The following GRIN2A variants were observed in gnomAD, a reference collection of about 807,000 sequenced individuals.
GRIN2A encodes the protein glutamate ionotropic receptor NMDA type subunit 2A.
Under a neutral mutation model 113.4 loss-of-function variants are expected in GRIN2A, and 22 were observed. That is an observed-to-expected ratio of 0.19 (90% confidence interval 0.14 to 0.28). The LOEUF (loss-of-function observed/expected upper bound fraction) is 0.28. GRIN2A is among the 10% of genes least tolerant of loss of function. The pLI, the probability that GRIN2A is intolerant of heterozygous loss-of-function variation, is 1.00. For synonymous variants in GRIN2A, 827 were observed against 738.4 expected (o/e 1.12, Z -1.94); for missense variants, 1,502 against 1,887.0 (o/e 0.80, Z 3.78).
chr16:10,102,473 G>T (rs763426721), intron 2 of GRIN2A, among the ~76,000 whole-genome samples: 1 of 152,184 alleles, frequency 6.6e-6, no homozygotes, highest in Non-Finnish European at 1.5e-5. Flanking sequence ...GCAGAACCGT[G>T]AGCCAATTAA....
intron 5 of GRIN2A, among the ~76,000 whole-genome samples, chr16:9,847,278 C>G (rs1442900827): frequency 6.6e-6 from 1 of 151,962 alleles, no homozygotes; most frequent in African/African-American, 2.4e-5. Context: ...TAAAGGAAGC[C>G]GGACACAGTG....
chr16:9,917,810 T>C (rs8061979), intron 3 of GRIN2A, among the ~76,000 whole-genome samples: 1 of 152,198 alleles, frequency 6.6e-6, no homozygotes, highest in Non-Finnish European at 1.5e-5. Context: ...CAACACGTCC[T>C]CCCTCTCACT....
intron 7 of GRIN2A, among the ~76,000 whole-genome samples, chr16:9,838,422 T>A (rs1193832278): frequency 6.6e-6 from 1 of 152,132 alleles, no homozygotes; most frequent in Non-Finnish European, 1.5e-5. Context: ...GATGATTGCA[T>A]AAAGAAAATG....
chr16:10,166,978 A>C (rs184192371), intron 2 of GRIN2A, among the ~76,000 whole-genome samples: 1 of 152,294 alleles, frequency 6.6e-6, no homozygotes, highest in Admixed American at 6.5e-5. Flanking sequence ...TAGCATAGAA[A>C]ATTTGTATTA....
intron 4 of GRIN2A, among the ~76,000 whole-genome samples, chr16:9,879,917 T>C (rs1191287776): frequency 6.6e-6 from 1 of 152,232 alleles, no homozygotes; most frequent in Admixed American, 6.5e-5. Flanking sequence ...TTAAGTGCCA[T>C]AACCTATCAT....
intron 2 of GRIN2A, among the ~76,000 whole-genome samples, chr16:10,043,376 A>G (rs1414464449): frequency 6.6e-6 from 1 of 152,130 alleles, no homozygotes; most frequent in Non-Finnish European, 1.5e-5. Flanking sequence ...GCACCCCAGG[A>G]TTTGCTCAGA....
chr16:9,881,440 T>C (rs1397750743), intron 4 of GRIN2A, among the ~76,000 whole-genome samples: 1 of 152,228 alleles, frequency 6.6e-6, no homozygotes, highest in Non-Finnish European at 1.5e-5. Flanking sequence ...ACATCTTTAA[T>C]GGGCATGAGA....
At chr16:9,965,870 G>A (rs2045547645) in intron 2 of GRIN2A, among the ~76,000 whole-genome samples, 1 of 152,206 alleles carries the variant, frequency 6.6e-6, no homozygotes, top group Non-Finnish European at 1.5e-5. Flanking sequence ...TTGTGCTATA[G>A]CAGCAGAATG....
intron 2 of GRIN2A, among the ~76,000 whole-genome samples, chr16:9,967,471 C>T (rs1050524351): frequency 1.4e-4 from 22 of 152,172 alleles, no homozygotes; most frequent in African/African-American, 5.1e-4. Flanking sequence ...TTTGGGAGGC[C>T]AAGGCGGGTG....
chr16:10,001,347 G>T (rs539426918), intron 2 of GRIN2A, among the ~76,000 whole-genome samples: 9 of 152,298 alleles, frequency 5.9e-5, no homozygotes, highest in African/African-American at 1.9e-4. Flanking sequence ...TCACCTGGTT[G>T]CAAGTGACAG....
intron 2 of GRIN2A, among the ~76,000 whole-genome samples, chr16:10,044,859 C>T (rs1389133384): frequency 6.6e-6 from 1 of 152,002 alleles, no homozygotes; most frequent in African/African-American, 2.4e-5. Context: ...TAACATAAAT[C>T]ACAGGGTACA....
At chr16:10,108,523 C>G (rs2048541665) in intron 2 of GRIN2A, among the ~76,000 whole-genome samples, 1 of 152,204 alleles carries the variant, frequency 6.6e-6, no homozygotes, top group Admixed American at 6.5e-5. Flanking sequence ...AGCCAGAACT[C>G]AAACCCCAGG....
chr16:10,097,874 T>C (rs1005110523), intron 2 of GRIN2A, among the ~76,000 whole-genome samples: 3 of 152,160 alleles, frequency 2.0e-5, no homozygotes, highest in Non-Finnish European at 4.4e-5. Flanking sequence ...CTTCTAGACA[T>C]TGGATTAGGC....
In GRIN2A at chr16:9,754,771, T is replaced by C. The variant is rs936969459; in HGVS notation, c.*8378A>G. 1.8e-5 allele frequency: 4 copies of C among 220,842 alleles called. No homozygotes were observed. Among genetic ancestry groups the C allele is most frequent in the Admixed American group, 1.2e-4 (2 of 17,358 alleles). 13.7% of individuals were successfully genotyped at this position (220,842 alleles called of 1,614,324 possible). ...AACTTCGATTGAATTCAAAAGGCTA[T>C]GATTGTTTTTCATGGAAAAAAAAAG... On this transcript the variant is annotated 3_prime_UTR_variant, in exon 13 of 13. Coordinates refer to ENST00000330684, the MANE Select transcript of GRIN2A (RefSeq NM_001134407.3).
chr16:9,840,452 C>T (rs878863940), intron 7 of GRIN2A, among the ~76,000 whole-genome samples, 195 bp downstream of exon 7: 2 of 152,072 alleles, frequency 1.3e-5, no homozygotes, highest in Non-Finnish European at 2.9e-5. Flanking sequence ...CTGGGGATTA[C>T]AATTCAAGAT....
At chr16:9,968,052 G>A (rs1005315063) in intron 2 of GRIN2A, among the ~76,000 whole-genome samples, 11 of 152,080 alleles carry the variant, frequency 7.2e-5, no homozygotes, top group African/African-American at 2.7e-4. Flanking sequence ...TAAACCTCCA[G>A]ACAACCCAGT....
At position 9,755,046 on chromosome 16, in the gene GRIN2A, G is replaced by T. The variant is rs995872112; in HGVS notation, c.*8103C>A. On this transcript the variant is annotated 3_prime_UTR_variant, in exon 13 of 13. Coordinates refer to ENST00000330684, the MANE Select transcript of GRIN2A (RefSeq NM_001134407.3). ...AAATCTTTCCTAAAGGTGTGAAAGA[G>T]AATTAACTGGAAGAGGTCATGACCC... 3 of 198,756 alleles carry T rather than the reference G, an allele frequency of 1.5e-5. No individual in the cohort carries two copies. Among genetic ancestry groups the T allele is most frequent in the Non-Finnish European group, 3.1e-5 (3 of 96,136 alleles). The allele number at this position is 198,756 out of a possible 1,614,324, so 12.3% of individuals were successfully genotyped here.
intron 12 of GRIN2A, among the ~76,000 whole-genome samples, chr16:9,767,333 T>C (rs1248698482): frequency 3.9e-5 from 6 of 152,240 alleles, no homozygotes; most frequent in Non-Finnish European, 8.8e-5. Flanking sequence ...GTTAAGAATA[T>C]ACAAATCTGT....
At chr16:10,158,219 A>G (rs1432149438) in intron 2 of GRIN2A, among the ~76,000 whole-genome samples, 2 of 152,148 alleles carry the variant, frequency 1.3e-5, no homozygotes, top group Non-Finnish European at 2.9e-5. Context: ...TGCCGAGGCT[A>G]GTCCCAGACT....
Sources: allele counts gnomAD v4.1 joint callset (sites outside exome capture counted in the v4.1 genomes callset), GRCh38; gene constraint gnomAD v4.1.1; transcripts MANE v1.5; gene names NCBI Gene and HGNC (gene_info 2026-07-23, HGNC 2026-07-21).